GPC6: variants seen among roughly 807,000 people sequenced by gnomAD.
GPC6 encodes the protein glypican 6, also known as glypican-6.
GPC6 carries 14 observed loss-of-function variants against 55.2 expected under a neutral mutation model. The observed-to-expected ratio is 0.25, with a 90% CI of 0.17 to 0.40. The LOEUF (loss-of-function observed/expected upper bound fraction) is 0.40, where lower values mean the gene tolerates loss of function less well. Among genes scored for constraint, GPC6 ranks in the 10% least tolerant of loss-of-function variants. The probability of loss-of-function intolerance (pLI) is 1.00; values close to 1 mark genes in which losing one functional copy is unlikely to be tolerated. For missense variants in GPC6, 641 were observed against 708.5 expected, an observed-to-expected ratio of 0.90 and a Z score of 1.08; for synonymous variants, 278 against 259.6, an observed-to-expected ratio of 1.07 and a Z score of -0.68.
intron 3 of GPC6, among the ~76,000 whole-genome samples, chr13:93,899,685 C>T (rs1566593204): frequency 6.6e-6 from 1 of 152,100 alleles, no homozygotes; most frequent in African/African-American, 2.4e-5. Flanking sequence ...ACATGATTGA[C>T]AGAGAGCTAT....
chr13:93,798,563 C>A (rs1886272484), intron 2 of GPC6, among the ~76,000 whole-genome samples: 1 of 152,102 alleles, frequency 6.6e-6, no homozygotes, highest in Non-Finnish European at 1.5e-5. Flanking sequence ...ACATGCTATA[C>A]CTTCCCTGAA....
At chr13:93,670,487 C>G (rs528398820) in intron 2 of GPC6, among the ~76,000 whole-genome samples, 4 of 152,086 alleles carry the variant, frequency 2.6e-5, no homozygotes, top group Non-Finnish European at 2.9e-5. Context: ...CATGGCCAGA[C>G]AGTTATCTCT....
At chr13:93,422,388 A>T (rs1305875206) in intron 1 of GPC6, among the ~76,000 whole-genome samples, 2 of 152,148 alleles carry the variant, frequency 1.3e-5, no homozygotes, top group Admixed American at 1.3e-4. Flanking sequence ...TTCTAAATCA[A>T]ACACAGATTA....
chr13:93,488,763 A>G (rs1280556674), intron 1 of GPC6, among the ~76,000 whole-genome samples: 4 of 152,126 alleles, frequency 2.6e-5, no homozygotes, highest in East Asian at 1.9e-4. Context: ...CTGCATAAAT[A>G]TCTTCTTTTG....
At chr13:93,766,735 A>C (rs1182785239) in intron 2 of GPC6, among the ~76,000 whole-genome samples, 1 of 152,116 alleles carries the variant, frequency 6.6e-6, no homozygotes, top group Non-Finnish European at 1.5e-5. Flanking sequence ...ATTACCAAAA[A>C]AATTCTCTTT....
chr13:93,806,418 A>G (rs1007071269), intron 2 of GPC6, among the ~76,000 whole-genome samples: 1 of 152,106 alleles, frequency 6.6e-6, no homozygotes, highest in Non-Finnish European at 1.5e-5. Context: ...GCTCACTGCA[A>G]CCTCTGCCTC....
chr13:93,783,070 G>A (rs1885706296), intron 2 of GPC6, among the ~76,000 whole-genome samples: 1 of 152,180 alleles, frequency 6.6e-6, no homozygotes, highest in South Asian at 2.1e-4. Flanking sequence ...AGAACATACA[G>A]TGTTTAGTTT....
intron 4 of GPC6, among the ~76,000 whole-genome samples, chr13:94,069,429 T>A (rs955590261): frequency 1.3e-5 from 2 of 152,194 alleles, no homozygotes; most frequent in Non-Finnish European, 2.9e-5. Flanking sequence ...CTAGAGATAT[T>A]TTCCCTATTG....
chr13:93,601,999 T>C (rs1378933256), intron 2 of GPC6, among the ~76,000 whole-genome samples: 1 of 152,154 alleles, frequency 6.6e-6, no homozygotes, highest in Non-Finnish European at 1.5e-5. Context: ...AATCCTGAGA[T>C]TGTAAGGTTT....
intron 6 of GPC6, among the ~76,000 whole-genome samples, chr13:94,376,325 T>C (rs1879854481): frequency 6.9e-6 from 1 of 145,194 alleles, no homozygotes; most frequent in Non-Finnish European, 1.5e-5. Context: ...AAAATCTCCT[T>C]AAGCTGATAA....
At chr13:93,864,982 A>G (rs1888917274) in intron 3 of GPC6, among the ~76,000 whole-genome samples, 2 of 151,748 alleles carry the variant, frequency 1.3e-5, no homozygotes, top group Admixed American at 6.6e-5. Flanking sequence ...ACACTCAGAA[A>G]TAGGTTCATT....
At chr13:94,310,417 G>T (rs74470974) in intron 6 of GPC6, among the ~76,000 whole-genome samples, 1,572 of 152,272 alleles carry the variant, frequency 0.01, 18 homozygotes, top group Middle Eastern at 0.017. Context: ...GAGGGAATTT[G>T]GGGTGGGGAT....
chr13:93,278,243 T>G (rs2139063632), intron 1 of GPC6, among the ~76,000 whole-genome samples: 1 of 152,302 alleles, frequency 6.6e-6, no homozygotes. Context: ...AATAGAGATT[T>G]TTTTTTAAAA....
At chr13:93,301,581 A>G (rs1185847150) in intron 1 of GPC6, among the ~76,000 whole-genome samples, 7 of 152,120 alleles carry the variant, frequency 4.6e-5, no homozygotes, top group African/African-American at 1.7e-4. Context: ...CAGAAAGGAG[A>G]CTGTTGCTCC....
intron 3 of GPC6, among the ~76,000 whole-genome samples, chr13:93,893,416 T>C (rs1358801588): frequency 2.0e-5 from 3 of 152,084 alleles, no homozygotes; most frequent in African/African-American, 4.8e-5. Context: ...ATTTACTTTT[T>C]AAAAAATCAC....
At chr13:93,257,684 G>A (rs1877002193) in intron 1 of GPC6, among the ~76,000 whole-genome samples, 1 of 152,146 alleles carries the variant, frequency 6.6e-6, no homozygotes, top group Admixed American at 6.6e-5. Flanking sequence ...GGAAACTGAG[G>A]CAGAGAGGAA....
chr13:94,006,936 T>C (rs1882044624), intron 3 of GPC6, among the ~76,000 whole-genome samples: 1 of 152,190 alleles, frequency 6.6e-6, no homozygotes. Context: ...GAAATTTTCC[T>C]TCTCATGTTT....
intron 4 of GPC6, among the ~76,000 whole-genome samples, chr13:94,028,738 G>A (rs1883001597): frequency 6.6e-6 from 1 of 152,192 alleles, no homozygotes; most frequent in African/African-American, 2.4e-5. Context: ...GAGGTGGGGA[G>A]AATGGAGGGG....
At chr13:93,219,632 A>G in the GPC6 span, among the ~76,000 whole-genome samples, 1 of 152,202 alleles carries the variant, frequency 6.6e-6, no homozygotes, top group Non-Finnish European at 1.5e-5. Flanking sequence ...ATAATATTGA[A>G]TGAATTTAAT....
Sources: gnomAD v4.1 joint callset for allele counts (sites outside exome capture counted in the v4.1 genomes callset) on GRCh38, gnomAD v4.1.1 for gene constraint, MANE v1.5 for transcripts, NCBI Gene and HGNC (gene_info 2026-07-23, HGNC 2026-07-21) for gene names.